The following PLXDC2 variants were observed in gnomAD, a reference collection of about 807,000 sequenced individuals.
PLXDC2 encodes plexin domain containing 2.
Under a neutral mutation model 68.9 loss-of-function variants are expected in PLXDC2, and 40 were observed. The ratio of observed to expected loss-of-function variants is 0.58; its 90% CI spans 0.45 to 0.76. PLXDC2 has a LOEUF of 0.76. PLXDC2 is among the 30% of genes least tolerant of loss of function. The pLI, the probability that PLXDC2 is intolerant of heterozygous loss-of-function variation, is 0.00. For missense variants in PLXDC2, 644 were observed against 661.9 expected, an observed-to-expected ratio of 0.97 and a Z score of 0.30; for synonymous variants, 243 against 234.2, an observed-to-expected ratio of 1.04 and a Z score of -0.34.
At chr10:20,143,964 T>G (rs146808546) in intron 5 of PLXDC2, among the ~76,000 whole-genome samples, 123 of 151,680 alleles carry the variant, frequency 8.1e-4, no homozygotes, top group African/African-American at 2.8e-3. Context: ...CCAAGAGCAA[T>G]GTATCCCTGC....
chr10:20,214,891 T>A (rs1255688601), intron 10 of PLXDC2, among the ~76,000 whole-genome samples: 1 of 152,140 alleles, frequency 6.6e-6, no homozygotes, highest in Non-Finnish European at 1.5e-5. Flanking sequence ...CATTCTATAC[T>A]CCTTGAGTTT....
rs116996695 is a variant in PLXDC2, at chr10:19,837,143, G to C, written c.112+19952G>C. 2.0e-3 allele frequency among the ~76,000 whole-genome samples: 297 copies of C among 151,222 alleles called. 2 individuals carry two copies. The highest frequency in any genetic ancestry group is 0.012 in the East Asian group (61 of 5,156). On this transcript the variant is annotated intron_variant, in intron 1 of 13. Transcript: ENST00000377252. ...CAACAGTTGTTTTATAAGATTGTTTGAGGACTAAAAGGGCTGATTGTAATC... is the reference window on the plus strand; with the variant it reads ...CAACAGTTGTTTTATAAGATTGTTTCAGGACTAAAAGGGCTGATTGTAATC...
At chr10:20,020,350 A>C (rs1835286265) in intron 2 of PLXDC2, among the ~76,000 whole-genome samples, 1 of 151,974 alleles carries the variant, frequency 6.6e-6, no homozygotes, top group Non-Finnish European at 1.5e-5. Context: ...GATAGCCGAC[A>C]ATACCAGACT....
intron 10 of PLXDC2, among the ~76,000 whole-genome samples, chr10:20,212,816 C>G (rs1024172233): frequency 6.6e-6 from 1 of 152,120 alleles, no homozygotes; most frequent in East Asian, 1.9e-4. Context: ...TCCGTCTCAC[C>G]TCACTTATCT....
chr10:19,854,177 G>T (rs74119758), intron 1 of PLXDC2, among the ~76,000 whole-genome samples: 5 of 151,984 alleles, frequency 3.3e-5, no homozygotes, highest in Non-Finnish European at 2.9e-5. Context: ...CCCTGCAGCA[G>T]GGCGAGTGGA....
intron 1 of PLXDC2, among the ~76,000 whole-genome samples, chr10:19,832,321 C>G (rs12416401): frequency 6.6e-6 from 1 of 152,178 alleles, no homozygotes; most frequent in Admixed American, 6.5e-5. Context: ...ACTCATTTAT[C>G]TTTCCATTCA....
intron 4 of PLXDC2, among the ~76,000 whole-genome samples, chr10:20,109,378 A>ATG (rs1833529941): frequency 6.6e-6 from 1 of 152,326 alleles, no homozygotes; most frequent in Non-Finnish European, 1.5e-5. Context: ...TTGGCTTTAA[A>ATG]TGTTTCCATA....
intron 1 of PLXDC2, among the ~76,000 whole-genome samples, chr10:19,818,356 G>A (rs529713504): frequency 2.0e-4 from 31 of 151,600 alleles, no homozygotes; most frequent in Non-Finnish European, 4.4e-4. Flanking sequence ...GGGGACACCT[G>A]GGGATTCCAG....
At chr10:20,145,642 C>A (rs1420094917) in intron 5 of PLXDC2, among the ~76,000 whole-genome samples, 1 of 152,084 alleles carries the variant, frequency 6.6e-6, no homozygotes, top group Admixed American at 6.6e-5. Context: ...CTCCGCTTCC[C>A]GGGTTCATGC....
At chr10:20,034,378 C>T (rs11011753) in intron 2 of PLXDC2, among the ~76,000 whole-genome samples, 1 of 152,038 alleles carries the variant, frequency 6.6e-6, no homozygotes, top group East Asian at 1.9e-4. Flanking sequence ...ATTCTCTATG[C>T]TGGCATAATA....
intron 1 of PLXDC2, among the ~76,000 whole-genome samples, chr10:19,821,523 A>G (rs1480120421): frequency 1.3e-5 from 2 of 152,222 alleles, no homozygotes; most frequent in East Asian, 3.9e-4. Flanking sequence ...TAGACCATAC[A>G]TTCCTGAGGT....
chr10:19,992,936 T>C (rs1292045487), intron 1 of PLXDC2, among the ~76,000 whole-genome samples: 2 of 152,218 alleles, frequency 1.3e-5, no homozygotes, highest in Non-Finnish European at 2.9e-5. Flanking sequence ...ATTGCTAAAC[T>C]GATCCTCTGA....
At chr10:19,909,368 G>A (rs2131372890) in intron 1 of PLXDC2, among the ~76,000 whole-genome samples, 1 of 152,190 alleles carries the variant, frequency 6.6e-6, no homozygotes, top group South Asian at 2.1e-4. Context: ...ATTTATCCCG[G>A]AGACATACCA....
chr10:20,081,420 AAAAAAC>A (rs1223368244), intron 4 of PLXDC2, among the ~76,000 whole-genome samples: 2 of 152,016 alleles, frequency 1.3e-5, no homozygotes, highest in East Asian at 1.9e-4. Flanking sequence ...AAAAAAATGA[AAAAAAC>A]AAAAACAAAA....
At chr10:19,873,560 C>T (rs1233823741) in intron 1 of PLXDC2, among the ~76,000 whole-genome samples, 1 of 152,038 alleles carries the variant, frequency 6.6e-6, no homozygotes, top group Non-Finnish European at 1.5e-5. Context: ...GCTGGGACTA[C>T]AGGTGTGCAC....
At chr10:20,210,583 A>T (rs1835055975) in intron 9 of PLXDC2, among the ~76,000 whole-genome samples, 1 of 152,150 alleles carries the variant, frequency 6.6e-6, no homozygotes, top group Non-Finnish European at 1.5e-5. Flanking sequence ...TTTAGACATG[A>T]CCTATTTCTA....
At chr10:20,191,198 A>G (rs1834759875) in intron 9 of PLXDC2, among the ~76,000 whole-genome samples, 1 of 151,996 alleles carries the variant, frequency 6.6e-6, no homozygotes, top group South Asian at 2.1e-4. Context: ...TATTGGTTGA[A>G]CAAAGGTCAA....
rs1588559450 is a variant in PLXDC2 at position 20,280,336 on chromosome 10, G to T, written c.*517G>T. 6.5e-6 allele frequency: 1 copy of T among 152,802 alleles called. No individual in the cohort carries two copies. Among genetic ancestry groups the T allele is most frequent in the East Asian group, 1.9e-4 (1 of 5,206 alleles). The allele number at this position is 152,802 out of a possible 1,614,324, so 9.5% of individuals were successfully genotyped here. ...AAGAGTGAGAACAAACACAAAATAA[G>T]AGATTTTCTACATTTTCAAAACAGA... On this transcript the variant is annotated 3_prime_UTR_variant, in exon 14 of 14. Transcript: ENST00000377252.
chr10:20,116,379 G>A (rs747744292), intron 4 of PLXDC2, among the ~76,000 whole-genome samples: 4 of 152,148 alleles, frequency 2.6e-5, no homozygotes, highest in Non-Finnish European at 5.9e-5. Flanking sequence ...TTCTCGGGTT[G>A]TCCCACAGTT....
Sources: gnomAD v4.1 joint callset for allele counts (sites outside exome capture counted in the v4.1 genomes callset) on GRCh38, gnomAD v4.1.1 for gene constraint, MANE v1.5 for transcripts, NCBI Gene and HGNC (gene_info 2026-07-23, HGNC 2026-07-21) for gene names.